The following SLC66A2 variants were observed in gnomAD, a reference collection of about 807,000 sequenced individuals.
The protein encoded by SLC66A2 is PQ loop repeat containing 1.
In SLC66A2, 23 loss-of-function variants were observed where a neutral mutation model predicts 25.5. The observed-to-expected ratio is 0.90, with a 90% CI of 0.65 to 1.28. The LOEUF (loss-of-function observed/expected upper bound fraction) is 1.28, where lower values mean the gene tolerates loss of function less well. Among genes scored for constraint, SLC66A2 ranks in the 50% most tolerant of loss-of-function variants. SLC66A2 has a pLI of 0.00. For missense variants in SLC66A2, 396 were observed against 373.1 expected, an observed-to-expected ratio of 1.06 and a Z score of -0.51; for synonymous variants, 193 against 166.5, an observed-to-expected ratio of 1.16 and a Z score of -1.23.
At position 79,919,247 on chromosome 18, in the gene SLC66A2, T is replaced by G. The variant is rs1374622182; in HGVS notation, c.545A>C (p.Glu182Ala). The G allele has an allele frequency of 6.2e-7, 1 of 1,613,188 alleles. No homozygotes were observed. The highest frequency in any genetic ancestry group is 1.1e-5 in the South Asian group (1 of 91,084). Residue 182 changes from glutamate to alanine, a missense_variant, in exon 5 of 6, where the codon GAA becomes GCA. Transcript: ENST00000397778. Reference sequence around the variant, plus strand: ...AAGCTGGGGCACACCCAGCATGGCTTCGGTCAGCACAGCCAGGAAGCCCAG... The same window carrying G: ...AAGCTGGGGCACACCCAGCATGGCTGCGGTCAGCACAGCCAGGAAGCCCAG... ...ETLGFLAVLT[E>A]AMLGVPQLYR...
chr18:79,925,922 T>C (rs1042028480), intron 4 of SLC66A2, among the ~76,000 whole-genome samples: 45 of 152,138 alleles, frequency 3.0e-4, no homozygotes, highest in Non-Finnish European at 6.2e-4. Context: ...AATCACAGGA[T>C]GAGACAGGAG....
chr18:79,946,686 G>T (rs953342322), intron 2 of SLC66A2, among the ~76,000 whole-genome samples: 2 of 152,220 alleles, frequency 1.3e-5, no homozygotes, highest in Non-Finnish European at 2.9e-5. Context: ...ACTCAAGCAG[G>T]GCTGGGCACA....
intron 4 of SLC66A2, among the ~76,000 whole-genome samples, chr18:79,925,656 T>A (rs1035151523): frequency 6.6e-6 from 1 of 152,188 alleles, no homozygotes; most frequent in Non-Finnish European, 1.5e-5. Context: ...GTCCAACTGC[T>A]CCTGGATTAA....
intron 3 of SLC66A2, chr18:79,935,244 T>A (rs1206219422): frequency 6.6e-6 from 1 of 152,304 alleles, no homozygotes; most frequent in Non-Finnish European, 1.5e-5. Context: ...GCCGGCAGGC[T>A]GGGGAAGAAG....
rs1037334888 is a variant in SLC66A2, at chr18:79,940,559, G to C, written c.337+2770C>G. 6.6e-6 allele frequency among the ~76,000 whole-genome samples: 1 copy of C among 152,024 alleles called. No individual in the cohort carries two copies. The highest frequency in any genetic ancestry group is 1.5e-5 in the Non-Finnish European group (1 of 68,020). On this transcript the variant is annotated intron_variant, in intron 3 of 5. Coordinates refer to ENST00000397778, the MANE Select transcript of SLC66A2 (RefSeq NM_025078.5). The surrounding 1 kb of genome is among the most constrained non-coding windows in gnomAD (Gnocchi z 4.1). ...TTAAAGGTGACGCCGCTGACAGGAAGACAAGGCTGGCCACCTTGCTTGGCA... is the reference window on the plus strand; with the variant it reads ...TTAAAGGTGACGCCGCTGACAGGAACACAAGGCTGGCCACCTTGCTTGGCA...
chr18:79,946,567 G>T (rs1441758932), intron 2 of SLC66A2, among the ~76,000 whole-genome samples: 2 of 152,206 alleles, frequency 1.3e-5, no homozygotes, highest in Non-Finnish European at 2.9e-5. Context: ...GGACTCTGCA[G>T]GTGATCATGC....
intron 3 of SLC66A2, among the ~76,000 whole-genome samples, chr18:79,936,617 A>G (rs773858538): frequency 6.6e-6 from 1 of 152,260 alleles, no homozygotes; most frequent in Non-Finnish European, 1.5e-5. Flanking sequence ...TTTGAGCCAC[A>G]GACAATTATT....
At position 79,903,447 on chromosome 18, in the gene SLC66A2, CGT is replaced by C. The variant is rs1476728609; in HGVS notation, c.*527_*528del. On this transcript the variant is annotated 3_prime_UTR_variant, in exon 6 of 6. Coordinates refer to ENST00000397778, the MANE Select transcript of SLC66A2 (RefSeq NM_025078.5). ...CCCTGCGTCCGCACAGCCGCCTTTC[CGT>C]GTGTACCAGGCAGAGAAAGCCCCAG... 1 of 154,904 alleles carries C rather than the reference CGT, an allele frequency of 6.5e-6. No individual in the cohort carries two copies. Among genetic ancestry groups the C allele is most frequent in the Non-Finnish European group, 1.4e-5 (1 of 70,102 alleles). 9.6% of individuals were successfully genotyped at this position (154,904 alleles called of 1,614,324 possible). A position where few individuals can be genotyped will look rare whatever the true frequency, so the allele number is the denominator to read the frequency against.
At position 79,903,914 on chromosome 18, in the gene SLC66A2, G is replaced by A. The variant is rs1378961170; in HGVS notation, c.*62C>T. 3.7e-5 allele frequency: 54 copies of A among 1,461,110 alleles called. 1 individual carries two copies. Among genetic ancestry groups the A allele is most frequent in the South Asian group, 2.6e-4 (21 of 79,362 alleles). The allele number at this position is 1,461,110 out of a possible 1,614,324, so 90.5% of individuals were successfully genotyped here. On this transcript the variant is annotated 3_prime_UTR_variant, in exon 6 of 6. Coordinates refer to ENST00000397778, the MANE Select transcript of SLC66A2 (RefSeq NM_025078.5). ...GGGCCACAGCACCCACCCTCCCCGC[G>A]GGGAGGTCAGGGCCCACCAGTGCCC...
At chr18:79,931,140 T>C (rs1012907239) in intron 4 of SLC66A2, among the ~76,000 whole-genome samples, 3 of 152,106 alleles carry the variant, frequency 2.0e-5, no homozygotes, top group African/African-American at 7.2e-5. Context: ...AAGAAAGCTG[T>C]AAAGGAGCAA....
Position 79,914,222 on chromosome 18 carries a change from G to C in SLC66A2, c.608+4962C>G, listed in dbSNP as rs573824094. Among the ~76,000 whole-genome samples, 20 of 152,248 alleles carry C rather than the reference G, an allele frequency of 1.3e-4. No homozygotes were observed. The South Asian group carries it at 4.1e-3, about 32-fold the overall frequency. On this transcript the variant is annotated intron_variant, in intron 5 of 5. Coordinates refer to ENST00000397778, the MANE Select transcript of SLC66A2 (RefSeq NM_025078.5). Reference sequence around the variant, plus strand: ...CCCAGCCCAAAGTCTTGGTTTTTTGGGTATCTGTTAAGTACGTGTGTGTGC... The same window carrying C: ...CCCAGCCCAAAGTCTTGGTTTTTTGCGTATCTGTTAAGTACGTGTGTGTGC...
chr18:79,940,447 T>C lies in SLC66A2; in HGVS notation c.337+2882A>G, dbSNP rs911520734. On this transcript the variant is annotated intron_variant, in intron 3 of 5. Coordinates refer to ENST00000397778, the MANE Select transcript of SLC66A2 (RefSeq NM_025078.5). The surrounding 1 kb of genome is among the most constrained non-coding windows in gnomAD (Gnocchi z 4.1). ...TACACTAAACCCCCGTGACAAACAA[T>C]TTACCTATATAACAAACCTGCACAT... Among the ~76,000 whole-genome samples, 1 of 151,538 alleles carries C rather than the reference T, an allele frequency of 6.6e-6. No homozygotes were observed. The highest frequency in any genetic ancestry group is 1.5e-5 in the Non-Finnish European group (1 of 67,870).
At position 79,927,528 on chromosome 18, in the gene SLC66A2, C is replaced by A. The variant is rs1986103525; in HGVS notation, c.391+6441G>T. ...CCCTTCTTAGCCTTCGAGGCCGGCA[C>A]TGGCCTCGCTGACCCCTCTAATCCT... On this transcript the variant is annotated intron_variant, in intron 4 of 5. Coordinates refer to ENST00000397778, the MANE Select transcript of SLC66A2 (RefSeq NM_025078.5). The surrounding 1 kb of genome is among the most constrained non-coding windows in gnomAD (Gnocchi z 6.2). Among the ~76,000 whole-genome samples, 1 of 152,224 alleles carries A rather than the reference C, an allele frequency of 6.6e-6. No individual in the cohort carries two copies. Among genetic ancestry groups the A allele is most frequent in the Admixed American group, 6.5e-5 (1 of 15,290 alleles).
At chr18:79,932,495 GA>G (rs1052345270) in intron 4 of SLC66A2, among the ~76,000 whole-genome samples, 1 of 150,136 alleles carries the variant, frequency 6.7e-6, no homozygotes, top group Non-Finnish European at 1.5e-5. Flanking sequence ...AAGAAAGAAA[GA>G]AAAGAAAAAG....
intron 4 of SLC66A2, among the ~76,000 whole-genome samples, chr18:79,932,841 C>G (rs1233593138): frequency 1.3e-5 from 2 of 152,100 alleles, no homozygotes; most frequent in Non-Finnish European, 2.9e-5. Context: ...AAGCCCAAGC[C>G]CAGATGGCTT....
In SLC66A2 at chr18:79,940,998, G is replaced by A. The variant is rs1020472058; in HGVS notation, c.337+2331C>T. On this transcript the variant is annotated intron_variant, in intron 3 of 5. Coordinates refer to ENST00000397778, the MANE Select transcript of SLC66A2 (RefSeq NM_025078.5). The surrounding 1 kb of genome is among the most constrained non-coding windows in gnomAD (Gnocchi z 4.1). ...AGCCCGGCCCCCTACCCCTCGTGGC[G>A]GCCCTGGACTGCTTCCCAAATACTC... Among the ~76,000 whole-genome samples, 7 of 152,048 alleles carry A rather than the reference G, an allele frequency of 4.6e-5. No homozygotes were observed. Among genetic ancestry groups the A allele is most frequent in the South Asian group, 2.1e-4 (1 of 4,824 alleles).
intron 5 of SLC66A2, among the ~76,000 whole-genome samples, chr18:79,914,600 A>C (rs1036253543): frequency 2.0e-5 from 3 of 152,176 alleles, no homozygotes; most frequent in Non-Finnish European, 4.4e-5. Flanking sequence ...CTGGAGAGCG[A>C]GTGGAACCCA....
intron 2 of SLC66A2, among the ~76,000 whole-genome samples, chr18:79,950,029 CAG>C (rs1236344788): frequency 6.6e-6 from 1 of 152,124 alleles, no homozygotes; most frequent in Non-Finnish European, 1.5e-5. Context: ...AGACAGTCTC[CAG>C]AGAGAGTGAC....
intron 5 of SLC66A2, among the ~76,000 whole-genome samples, chr18:79,913,800 C>G (rs1568298471): frequency 6.6e-6 from 1 of 152,210 alleles, no homozygotes. Flanking sequence ...AGATTCCAGG[C>G]AGCATCTACG....
Sources: gnomAD v4.1 joint callset for allele counts (sites outside exome capture counted in the v4.1 genomes callset) on GRCh38, gnomAD v4.1.1 for gene constraint, Gnocchi (gnomAD v3.1) non-coding constraint, MANE v1.5 for transcripts, NCBI Gene and HGNC (gene_info 2026-07-23, HGNC 2026-07-21) for gene names.